The following MPHOSPH10 variants were observed in gnomAD, a reference collection of about 807,000 sequenced individuals.
MPHOSPH10 encodes U3 small nucleolar ribonucleoprotein MPP10.
MPHOSPH10 carries 33 observed loss-of-function variants against 77.3 expected under a neutral mutation model. That is an observed-to-expected ratio of 0.43 (90% CI 0.32 to 0.57). MPHOSPH10 has a LOEUF of 0.57. Ranked by LOEUF, MPHOSPH10 falls within the 20% of genes least tolerant of loss-of-function variation. The pLI is 0.07. For synonymous variants in MPHOSPH10, 245 were observed against 268.0 expected, an observed-to-expected ratio of 0.91 and a Z score of 0.84; for missense variants, 708 against 780.1, an observed-to-expected ratio of 0.91 and a Z score of 1.10.
rs574769925 is a variant in MPHOSPH10 at position 71,146,756 on chromosome 2, A to G, written c.1558-1243A>G. 1.2e-3 allele frequency among the ~76,000 whole-genome samples: 190 copies of G among 152,300 alleles called. 1 individual carries two copies. Among genetic ancestry groups the G allele is most frequent in the African/African-American group, 4.5e-3 (189 of 41,558 alleles). ...TCCAGTGGAAGAAATGATTTCTTTC[A>G]CACTCTCATTTTTCTCTCACTTAGA... On this transcript the variant is annotated intron_variant, in intron 8 of 10. Transcript: ENST00000244230.
In MPHOSPH10 at chr2:71,133,416, A is replaced by T. The variant is rs777502769; in HGVS notation, c.608A>T (p.Lys203Ile). 9 of 1,614,036 alleles carry T rather than the reference A, an allele frequency of 5.6e-6. No individual in the cohort carries two copies. The Admixed American group carries it at 1.5e-4, about 27-fold the overall frequency. The change falls in exon 2 of 11, where the codon AAA becomes ATA. Residue 203 changes from lysine to isoleucine, a missense_variant. Coordinates refer to ENST00000244230, the MANE Select transcript of MPHOSPH10 (RefSeq NM_005791.3). ...AGAGAAAAGTCCATAGTAGATGATA[A>T]ATTCTTCAAACTCTCTGAAATGGAG... Reference protein sequence around the residue: ...KPREKSIVDDKFFKLSEMEAY... With the variant: ...KPREKSIVDDIFFKLSEMEAY...
chr2:71,149,494 T>G (rs761863872), intron 10 of MPHOSPH10, 41 bp downstream of exon 10: 7 of 1,552,382 alleles, frequency 4.5e-6, no homozygotes, highest in South Asian at 1.2e-5. Context: ...GGGACCTTTG[T>G]GGGGGAAGTG....
chr2:71,138,752 T>C, intron 5 of MPHOSPH10, 121 bp downstream of exon 5: 1 of 1,350,600 alleles, frequency 7.4e-7, no homozygotes, highest in Non-Finnish European at 1.0e-6. Context: ...TGTAAACACA[T>C]GGCTTGGCAT....
chr2:71,149,439 G>A lies in MPHOSPH10; in HGVS notation c.1882G>A (p.Ala628Thr), dbSNP rs1039691494. The A allele has an allele frequency of 1.2e-6, 2 of 1,613,512 alleles. No homozygotes were observed. Among genetic ancestry groups the A allele is most frequent in the Non-Finnish European group, 1.7e-6 (2 of 1,179,912 alleles). Residue 628 changes from alanine to threonine, a missense_variant, in exon 10 of 11, where the codon GCT (alanine) becomes ACT (threonine). Ala to Thr is a moderately conservative substitution (Grantham distance 58). Around this residue, in one of 3 missense-constraint regions of MPHOSPH10, gnomAD observed 263 missense variants for 320.0 expected, o/e 0.82. Coordinates refer to ENST00000244230, the MANE Select transcript of MPHOSPH10 (RefSeq NM_005791.3). ...KLKQLTKTGK[A>T]SFIKDEGKDK... Reference sequence around the variant, plus strand: ...AAAACAGCTGACCAAAACTGGCAAAGCTTCCTTCATAAAGGTAAGGACAAG... The same window carrying A: ...AAAACAGCTGACCAAAACTGGCAAAACTTCCTTCATAAAGGTAAGGACAAG...
At chr2:71,149,810 T>G in intron 10 of MPHOSPH10, 56 bp from the exon 11 acceptor site, 1 of 1,472,120 alleles carries the variant, frequency 6.8e-7, no homozygotes, top group Non-Finnish European at 9.0e-7. Context: ...TATTTTTGGC[T>G]TTTTTCACTT....
intron 1 of MPHOSPH10, 72 bp from the exon 2 acceptor site, chr2:71,132,822 GTTTT>G: frequency 1.4e-6 from 2 of 1,476,356 alleles, no homozygotes; most frequent in Non-Finnish European, 1.8e-6. Context: ...AAAGAGTTGG[GTTTT>G]TTTTATTTTT....
intron 1 of MPHOSPH10, chr2:71,130,975 A>G (rs72903590): frequency 0.017 from 9,243 of 540,002 alleles, 502 homozygotes; most frequent in African/African-American, 0.13. Context: ...AAATCACTCT[A>G]ACCTCAATTG....
At chr2:71,148,128 C>T (rs1025660759) in intron 9 of MPHOSPH10, 22 bp downstream of exon 9, 2 of 1,577,574 alleles carry the variant, frequency 1.3e-6, no homozygotes, top group African/African-American at 1.4e-5. Flanking sequence ...ATGTTGAAAC[C>T]TTAAATGTCT....
At chr2:71,144,578 T>C (rs1673673544) in intron 8 of MPHOSPH10, 40 bp downstream of exon 8, 6 of 1,433,892 alleles carry the variant, frequency 4.2e-6, no homozygotes, top group Middle Eastern at 1.8e-4. Flanking sequence ...TAGAGCAGGG[T>C]GACCTTCATA....
intron 8 of MPHOSPH10, among the ~76,000 whole-genome samples, chr2:71,146,004 T>C (rs58532126): frequency 0.041 from 6,197 of 152,286 alleles, 374 homozygotes; most frequent in African/African-American, 0.13. Flanking sequence ...ATAGCTGCAT[T>C]GCACATTTGC....
Position 71,134,099 on chromosome 2 carries a change from C to A in MPHOSPH10, c.920C>A (p.Ser307Ter). The stretch of plus-strand genomic sequence containing the variant: ...GAAGAAGCAGAAGAACTAAGTATTT[C>A]GGAAACGTGAGTATTTTGAACCATC... ...AEEEAEELSI[S>*]ETDEDDDLQE... The change falls in exon 3 of 11, where the codon TCG becomes TAG. Residue 307 changes from serine (S) to a stop codon, truncating the protein, a stop_gained. Coordinates refer to ENST00000244230, the MANE Select transcript of MPHOSPH10 (RefSeq NM_005791.3). LOFTEE classifies it high-confidence loss of function. The A allele has an allele frequency of 6.2e-7, 1 of 1,603,946 alleles. No homozygotes were observed. The highest frequency in any genetic ancestry group is 1.1e-5 in the South Asian group (1 of 88,764).
chr2:71,149,115 GC>G, intron 9 of MPHOSPH10, 107 bp from the exon 10 acceptor site: 1 of 963,692 alleles, frequency 1.0e-6, no homozygotes. Flanking sequence ...TGTGCATTTG[GC>G]CACAGATGCA....
intron 8 of MPHOSPH10, among the ~76,000 whole-genome samples, chr2:71,146,710 T>C (rs1213401097): frequency 1.3e-5 from 2 of 152,176 alleles, no homozygotes; most frequent in Non-Finnish European, 1.5e-5. Flanking sequence ...CACAGTGTTT[T>C]TAATAACAGT....
intron 1 of MPHOSPH10, among the ~76,000 whole-genome samples, chr2:71,131,300 G>T (rs890507195): frequency 6.6e-6 from 1 of 152,200 alleles, no homozygotes; most frequent in East Asian, 1.9e-4. Context: ...AGCAACTACA[G>T]ACTGAGCTTA....
At position 71,131,523 on chromosome 2, in the gene MPHOSPH10, G is replaced by C. The variant is rs143832949; in HGVS notation, c.89+769G>C. Among the ~76,000 whole-genome samples the C allele has an allele frequency of 8.4e-4, 128 of 152,350 alleles. 1 individual carries two copies. The East Asian group carries it at 0.022, about 26-fold the overall frequency. ...CACCTGTCAAGCGCGTCTGTGTGAAGAGACCACTAAAACAGGCTTTGTGTG... is the reference window on the plus strand; with the variant it reads ...CACCTGTCAAGCGCGTCTGTGTGAACAGACCACTAAAACAGGCTTTGTGTG... On this transcript the variant is annotated intron_variant, in intron 1 of 10. Transcript: ENST00000244230.
chr2:71,149,508 A>G, intron 10 of MPHOSPH10, 55 bp downstream of exon 10: 1 of 1,502,120 alleles, frequency 6.7e-7, no homozygotes, highest in Non-Finnish European at 9.2e-7. Context: ...GGAAGTGGAT[A>G]GCAAGTGCTG....
In MPHOSPH10 at chr2:71,149,869, G is replaced by A. The variant is rs6574; in HGVS notation, c.1900G>A (p.Glu634Lys). 0.3 allele frequency: 459,612 copies of A among 1,523,464 alleles called. 70,939 individuals carry two copies. The highest frequency in any genetic ancestry group is 0.4 in the Admixed American group (15,902 of 40,088). The allele number at this position is 1,523,464 out of a possible 1,614,324, so 94.4% of individuals were successfully genotyped here. Reference protein sequence around the residue: ...KTGKASFIKDEGKDKALKSSQ... With the variant: ...KTGKASFIKDKGKDKALKSSQ... ...CATGTGGTGTTTTTAATTGCAGGAT[G>A]AAGGTAAAGACAAGGCCTTAAAGTC... The change falls in exon 11 of 11, where the codon GAA becomes AAA. Residue 634 changes from glutamate to lysine, a missense_variant. By Grantham distance (56) the Glu-to-Lys change is moderately conservative (BLOSUM62 1). Around this residue, in one of 3 missense-constraint regions of MPHOSPH10, gnomAD observed 263 missense variants for 320.0 expected, o/e 0.82. Coordinates refer to ENST00000244230, the MANE Select transcript of MPHOSPH10 (RefSeq NM_005791.3).
In MPHOSPH10 at chr2:71,134,643, T is replaced by G. The variant is rs1314447443; in HGVS notation, c.944T>G (p.Leu315Arg). ...SISETDEDDD[L>R]QENEDNKQHK... is the part of the protein sequence containing the mutation. Reference sequence around the variant, plus strand: ...TATTGTAGGGATGAAGATGATGACCTTCAAGAAAATGAAGACAATAAACAA... The same window carrying G: ...TATTGTAGGGATGAAGATGATGACCGTCAAGAAAATGAAGACAATAAACAA... The change falls in exon 4 of 11, where the codon CTT becomes CGT. Residue 315 changes from leucine (L) to arginine (R), a missense_variant. Transcript: ENST00000244230. The G allele has an allele frequency of 6.2e-7, 1 of 1,603,378 alleles. No individual in the cohort carries two copies. The highest frequency in any genetic ancestry group is 2.2e-5 in the East Asian group (1 of 44,740).
In MPHOSPH10 at chr2:71,144,509, C is replaced by T; in HGVS notation, c.1528C>T (p.Leu510Phe). The T allele has an allele frequency of 1.2e-6, 2 of 1,613,962 alleles. No homozygotes were observed. Among genetic ancestry groups the T allele is most frequent in the Non-Finnish European group, 1.7e-6 (2 of 1,179,834 alleles). The change falls in exon 8 of 11, where the codon CTC becomes TTC. Residue 510 changes from leucine to phenylalanine, a missense_variant. Around this residue, in one of 3 missense-constraint regions of MPHOSPH10, gnomAD observed 263 missense variants for 320.0 expected, o/e 0.82. Coordinates refer to ENST00000244230, the MANE Select transcript of MPHOSPH10 (RefSeq NM_005791.3). The stretch of plus-strand genomic sequence containing the variant: ...TTCCCTCTTCTTAAAATTGGATGCC[C>T]TCTCAAACTTCCACTTTATCCCTAA... ...MDSLFLKLDA[L>F]SNFHFIPKPP...
Sources: gnomAD v4.1 joint callset for allele counts (sites outside exome capture counted in the v4.1 genomes callset) on GRCh38, gnomAD v4.1.1 for gene constraint, gnomAD v4.1.1 regional missense constraint, MANE v1.5 for transcripts, NCBI Gene and HGNC (gene_info 2026-07-23, HGNC 2026-07-21) for gene names.